The following PM20D1 variants were observed in gnomAD, a reference collection of about 807,000 sequenced individuals.
PM20D1 encodes peptidase M20 domain containing 1, also known as N-fatty-acyl-amino acid synthase/hydrolase PM20D1.
In PM20D1, 53 loss-of-function variants were observed where a neutral mutation model predicts 53.8. The ratio of observed to expected loss-of-function variants is 0.98; its 90% CI spans 0.79 to 1.24. The LOEUF is 1.24. Among genes scored for constraint, PM20D1 ranks in the 50% most tolerant of loss-of-function variants. The pLI is 0.00. For synonymous variants in PM20D1, 239 were observed against 241.3 expected (o/e 0.99, Z 0.09); for missense variants, 564 against 616.8 (o/e 0.91, Z 0.91).
intron 10 of PM20D1, among the ~76,000 whole-genome samples, chr1:205,833,648 C>T (rs1478305897): frequency 6.6e-6 from 1 of 152,106 alleles, no homozygotes; most frequent in African/African-American, 2.4e-5. Context: ...GGAAGTAGAC[C>T]AGACCCTGAG....
chr1:205,844,041 G>A (rs1443811778), intron 5 of PM20D1, 46 bp downstream of exon 5: 1 of 1,573,968 alleles, frequency 6.4e-7, no homozygotes, highest in East Asian at 2.2e-5. Flanking sequence ...CATCTCAAAT[G>A]GGGTGAGAAT....
At position 205,845,196 on chromosome 1, in the gene PM20D1, G is replaced by A. The variant is rs1656922150; in HGVS notation, c.489+129C>T. 6.4e-6 allele frequency: 6 copies of A among 933,894 alleles called. No homozygotes were observed. In the African/African-American group the frequency reaches 9.9e-5, roughly 15 times the overall value. 57.9% of individuals were successfully genotyped at this position (933,894 alleles called of 1,614,324 possible). A position where few individuals can be genotyped will look rare whatever the true frequency, so the allele number is the denominator to read the frequency against. On this transcript the variant is annotated intron_variant, in intron 3 of 12. Transcript: ENST00000367136. Reference sequence around the variant, plus strand: ...AGAGAAGGGAAGTGACAAACTGATGGCTGGAACCCAGGTCTCCTGGAGCCA... The same window carrying A: ...AGAGAAGGGAAGTGACAAACTGATGACTGGAACCCAGGTCTCCTGGAGCCA...
Position 205,830,200 on chromosome 1 carries a change from G to T in PM20D1, c.1385+80C>A, listed in dbSNP as rs557037078. 56 of 1,105,786 alleles carry T rather than the reference G, an allele frequency of 5.1e-5. 2 individuals are homozygous for T. In the Middle Eastern group the frequency reaches 7.8e-4, roughly 15 times the overall value. The allele number at this position is 1,105,786 out of a possible 1,614,324, so 68.5% of individuals were successfully genotyped here. A position where few individuals can be genotyped will look rare whatever the true frequency, so the allele number is the denominator to read the frequency against. ...GGCTTTCCCCCTGATTCTGTGGACT[G>T]CCAGGAGCATGGGGTAGGAAAAGGA... On this transcript the variant is annotated intron_variant, in intron 12 of 12. Transcript: ENST00000367136.
At chr1:205,840,405 C>T in intron 9 of PM20D1, 82 bp from the exon 10 acceptor site, 5 of 1,294,666 alleles carry the variant, frequency 3.9e-6, no homozygotes, top group Non-Finnish European at 3.3e-6. Context: ...CTAATTTCCT[C>T]AGCTCAGGCA....
chr1:205,844,137 C>T lies in PM20D1; in HGVS notation c.657G>A (p.Gly219=). ...GAATGAAATCATCCAAGATGAAGCC[C>T]CCCTCGTCCACAATGAAGGCTAGCT... The part of the protein sequence containing the change: ...GVQLAFIVDE[G]GFILDDFIPN... The change falls in exon 5 of 13, where the codon GGG becomes GGA. Residue 219 remains glycine (G), a synonymous_variant. Transcript: ENST00000367136. 1 of 1,613,916 alleles carries T rather than the reference C, an allele frequency of 6.2e-7. No homozygotes were observed. The highest frequency in any genetic ancestry group is 8.5e-7 in the Non-Finnish European group (1 of 1,179,928).
In PM20D1 at chr1:205,829,182, TAA is replaced by T. The variant is rs376705503; in HGVS notation, c.1386-441_1386-440del. Among the ~76,000 whole-genome samples, 68 of 152,200 alleles carry T rather than the reference TAA, an allele frequency of 4.5e-4. No homozygotes were observed. The South Asian group carries it at 7.9e-3, about 18-fold the overall frequency. On this transcript the variant is annotated intron_variant, in intron 12 of 12. Coordinates refer to ENST00000367136, the MANE Select transcript of PM20D1 (RefSeq NM_152491.5). ...GTTGCTGGGACCCCAGGTGTGTGGC[TAA>T]GTTTTTTATTTTTAAATTTTTTTTT... is the stretch of plus-strand genomic sequence containing the variant.
chr1:205,829,760 C>G (rs1427352747), intron 12 of PM20D1: 1 of 153,328 alleles, frequency 6.5e-6, no homozygotes, highest in Non-Finnish European at 1.5e-5. Flanking sequence ...CCTCCCAAAC[C>G]CCAGGATTGA....
Position 205,828,197 on chromosome 1 carries a change from G to A in PM20D1, c.*423C>T, listed in dbSNP as rs185158935. Reference sequence around the variant, plus strand: ...AGTCCAAGAAGAGAGGGGAATAAAAGGGGGAAGAAAGTTCTAGTAAGAAGA... The same window carrying A: ...AGTCCAAGAAGAGAGGGGAATAAAAAGGGGAAGAAAGTTCTAGTAAGAAGA... On this transcript the variant is annotated 3_prime_UTR_variant, in exon 13 of 13. Coordinates refer to ENST00000367136, the MANE Select transcript of PM20D1 (RefSeq NM_152491.5). 322 of 158,962 alleles carry A rather than the reference G, an allele frequency of 2.0e-3. 1 individual carries two copies. The highest frequency in any genetic ancestry group is 3.4e-3 in the Non-Finnish European group (248 of 72,574). The allele number at this position is 158,962 out of a possible 1,614,324, so 9.8% of individuals were successfully genotyped here.
intron 2 of PM20D1, among the ~76,000 whole-genome samples, chr1:205,846,392 A>G (rs1222852132): frequency 6.6e-6 from 1 of 152,140 alleles, no homozygotes; most frequent in African/African-American, 2.4e-5. Context: ...ACTCAAAAAA[A>G]AAAGACTCAC....
Position 205,844,903 on chromosome 1 carries a change from G to T in PM20D1, c.490-6C>A. On this transcript the variant is annotated splice_polypyrimidine_tract_variant and splice_region_variant and intron_variant, in intron 3 of 12. Transcript: ENST00000367136. ...TCCAAGGCCTGCAGTAATGCCTGGG[G>T]TTCAGAAGCACAATGGAAGAGGAAA... 1 of 1,612,222 alleles carries T rather than the reference G, an allele frequency of 6.2e-7. No individual in the cohort carries two copies. The highest frequency in any genetic ancestry group is 8.5e-7 in the Non-Finnish European group (1 of 1,178,854).
chr1:205,837,563 A>ACAGGGAGTGCAG (rs1377291149), intron 10 of PM20D1, among the ~76,000 whole-genome samples: 9 of 152,222 alleles, frequency 5.9e-5, no homozygotes, highest in African/African-American at 2.2e-4. Flanking sequence ...GGCTCTGTGC[A>ACAGGGAGTGCAG]CAGGGAGTGC....
intron 11 of PM20D1, among the ~76,000 whole-genome samples, chr1:205,831,560 T>C (rs570497538): frequency 2.3e-4 from 31 of 131,942 alleles, no homozygotes; most frequent in African/African-American, 8.3e-4. Context: ...GAGCAACGTC[T>C]CTCTCCTTTT....
At chr1:205,843,223 AT>A (rs1571677452) in intron 6 of PM20D1, among the ~76,000 whole-genome samples, 1 of 152,238 alleles carries the variant, frequency 6.6e-6, no homozygotes. Flanking sequence ...GTCATTGCCA[AT>A]TTGTGATTCT....
At chr1:205,829,532 C>T (rs947940773) in intron 12 of PM20D1, among the ~76,000 whole-genome samples, 1 of 152,102 alleles carries the variant, frequency 6.6e-6, no homozygotes, top group East Asian at 1.9e-4. Context: ...CACAGTGAAA[C>T]AAAACAGAGC....
At position 205,842,753 on chromosome 1, in the gene PM20D1, T is replaced by A. The variant is rs1476490586; in HGVS notation, c.828-2A>T. 1.2e-6 allele frequency: 2 copies of A among 1,613,828 alleles called. No homozygotes were observed. Among genetic ancestry groups the A allele is most frequent in the Admixed American group, 1.7e-5 (1 of 60,028 alleles). On this transcript the variant is annotated splice_acceptor_variant, in intron 6 of 12. Transcript: ENST00000367136. LOFTEE classifies it high-confidence loss of function. ...ATAGGCATTGGTGTCTGCTCCAATC[T>A]GGAAGAGAAACAGAGTCCTCAAGAC...
chr1:205,849,698 T>G (rs933462357), intron 1 of PM20D1, among the ~76,000 whole-genome samples: 5 of 151,920 alleles, frequency 3.3e-5, no homozygotes, highest in African/African-American at 1.2e-4. Flanking sequence ...ACACCAGAGT[T>G]CCAGGAGCCA....
At chr1:205,834,559 A>G (rs538319988) in intron 10 of PM20D1, among the ~76,000 whole-genome samples, 6 of 152,344 alleles carry the variant, frequency 3.9e-5, no homozygotes, top group Admixed American at 6.5e-5. Flanking sequence ...GAATCAAAAC[A>G]AATATCCTGC....
At chr1:205,829,126 G>A (rs1656503746) in intron 12 of PM20D1, among the ~76,000 whole-genome samples, 1 of 152,200 alleles carries the variant, frequency 6.6e-6, no homozygotes, top group Non-Finnish European at 1.5e-5. Flanking sequence ...AACCTTCTGG[G>A]TTTCAGTGAT....
intron 11 of PM20D1, among the ~76,000 whole-genome samples, chr1:205,831,557 GTCTC>G (rs1435362843): frequency 1.4e-5 from 2 of 139,630 alleles, no homozygotes; most frequent in East Asian, 4.0e-4. Context: ...ATTGAGCAAC[GTCTC>G]TCTCCTTTTT....
Sources: allele counts gnomAD v4.1 joint callset (sites outside exome capture counted in the v4.1 genomes callset), GRCh38; gene constraint gnomAD v4.1.1; transcripts MANE v1.5; gene names NCBI Gene and HGNC (gene_info 2026-07-23, HGNC 2026-07-21).